STXBP4: variants seen among roughly 807,000 people sequenced by gnomAD.
The protein encoded by STXBP4 is syntaxin-binding protein 4.
In STXBP4, 55 loss-of-function variants were observed where a neutral mutation model predicts 76.1. The ratio of observed to expected loss-of-function variants is 0.72; its 90% CI spans 0.58 to 0.91. STXBP4 has a LOEUF of 0.91. Among genes scored for constraint, STXBP4 ranks in the 40% least tolerant of loss-of-function variants. The pLI is 0.00. For missense variants in STXBP4, 618 were observed against 636.9 expected (o/e 0.97, Z 0.32); for synonymous variants, 201 against 220.2 (o/e 0.91, Z 0.77).
At chr17:54,990,042 G>A (rs186882091) in intron 3 of STXBP4, among the ~76,000 whole-genome samples, 5 of 152,174 alleles carry the variant, frequency 3.3e-5, no homozygotes, top group East Asian at 1.9e-4. Flanking sequence ...CTTTTCCGTC[G>A]CCTTTAATAC....
At chr17:55,129,823 C>G (rs1362418764) in intron 16 of STXBP4, among the ~76,000 whole-genome samples, 1 of 152,174 alleles carries the variant, frequency 6.6e-6, no homozygotes, top group Admixed American at 6.5e-5. Flanking sequence ...CACACACCTT[C>G]TGTCAGTTAT....
At chr17:55,194,026 A>G in the STXBP4 span, among the ~76,000 whole-genome samples, 1 of 152,118 alleles carries the variant, frequency 6.6e-6, no homozygotes, top group Admixed American at 6.6e-5. Flanking sequence ...AAGTGATGCC[A>G]TGTGAAGCCT....
intron 1 of STXBP4, among the ~76,000 whole-genome samples, chr17:54,976,818 A>C (rs1368524267): frequency 1.3e-5 from 2 of 152,118 alleles, no homozygotes; most frequent in African/African-American, 4.8e-5. Flanking sequence ...ACCATCCCCC[A>C]CACCCCCATG....
intron 12 of STXBP4, among the ~76,000 whole-genome samples, chr17:55,051,943 A>C (rs1188349432): frequency 1.3e-5 from 2 of 152,126 alleles, no homozygotes; most frequent in African/African-American, 4.8e-5. Context: ...TGATACACCC[A>C]ATCCAAGTTT....
chr17:55,085,046 G>A (rs890743428), intron 16 of STXBP4, among the ~76,000 whole-genome samples: 17 of 152,108 alleles, frequency 1.1e-4, no homozygotes, highest in African/African-American at 4.1e-4. Flanking sequence ...TGATGAGTTC[G>A]TGTCCTTTGT....
At chr17:55,043,737 C>A in intron 11 of STXBP4, 1 of 1,203,472 alleles carries the variant, frequency 8.3e-7, no homozygotes, top group Non-Finnish European at 1.2e-6. Flanking sequence ...TCATGTTTTG[C>A]TAACGTAATT....
intron 1 of STXBP4, 136 bp from the exon 2 acceptor site, chr17:54,985,478 A>G (rs1003802891): frequency 2.6e-5 from 4 of 152,192 alleles, no homozygotes; most frequent in Non-Finnish European, 4.4e-5. Flanking sequence ...CCTTTGCTTC[A>G]TTCATTGTTC....
At chr17:55,149,289 G>A (rs2080189410) in intron 17 of STXBP4, among the ~76,000 whole-genome samples, 4 of 152,114 alleles carry the variant, frequency 2.6e-5, no homozygotes, top group Non-Finnish European at 4.4e-5. Context: ...AATATTTATC[G>A]AATGAATATT....
intron 16 of STXBP4, among the ~76,000 whole-genome samples, chr17:55,106,669 C>G (rs1028918214): frequency 6.6e-6 from 1 of 152,186 alleles, no homozygotes; most frequent in African/African-American, 2.4e-5. Flanking sequence ...GTGACAAAAC[C>G]TCTCAGCATT....
rs1020850995 is a variant in STXBP4 at position 55,163,191 on chromosome 17, G to T, written c.*3280G>T. 2 of 145,628 alleles carry T rather than the reference G, an allele frequency of 1.4e-5. No homozygotes were observed. Among genetic ancestry groups the T allele is most frequent in the Admixed American group, 1.4e-4 (2 of 14,664 alleles). The allele number at this position is 145,628 out of a possible 1,614,324, so 9.0% of individuals were successfully genotyped here. A position where few individuals can be genotyped will look rare whatever the true frequency, so the allele number is the denominator to read the frequency against. On this transcript the variant is annotated 3_prime_UTR_variant, in exon 18 of 18. Transcript: ENST00000376352. The stretch of plus-strand genomic sequence containing the variant: ...TTTATGTATGATAGGACTTTTTTTA[G>T]TCCAAATGTTCCTATAGATTTTCTG...
chr17:55,099,665 A>T (rs1227735153), intron 16 of STXBP4, among the ~76,000 whole-genome samples: 1 of 152,196 alleles, frequency 6.6e-6, no homozygotes, highest in Non-Finnish European at 1.5e-5. Context: ...GTACAAATAG[A>T]TCTCAAATAG....
chr17:54,988,827 C>G (rs1222393743), intron 3 of STXBP4, among the ~76,000 whole-genome samples: 1 of 151,996 alleles, frequency 6.6e-6, no homozygotes, highest in Non-Finnish European at 1.5e-5. Context: ...GGACCCTGTC[C>G]TCTCTGCCTT....
chr17:54,984,339 C>CT (rs60222961), intron 1 of STXBP4, among the ~76,000 whole-genome samples: 928 of 81,118 alleles, frequency 0.011, 24 homozygotes, highest in South Asian at 0.052. Context: ...TTTCTTTTTT[C>CT]TTTTTTTTTT....
At chr17:55,026,442 A>G (rs2078417277) in intron 8 of STXBP4, among the ~76,000 whole-genome samples, 1 of 152,212 alleles carries the variant, frequency 6.6e-6, no homozygotes, top group African/African-American at 2.4e-5. Flanking sequence ...CCTTTTCCCA[A>G]GAAGCAACAT....
Position 55,007,379 on chromosome 17 carries a change from A to C in STXBP4, c.575-127A>C, listed in dbSNP as rs561063009. The C allele has an allele frequency of 7.2e-5, 52 of 724,132 alleles. No individual in the cohort carries two copies. In the East Asian group the frequency reaches 1.4e-3, roughly 19 times the overall value. 44.9% of individuals were successfully genotyped at this position (724,132 alleles called of 1,614,324 possible). On this transcript the variant is annotated intron_variant, in intron 7 of 17. Transcript: ENST00000376352. ...AAAGAAAAAAAAATTATGCAAACAA[A>C]ACTAAAAGCTGCTAACTGATTAGCT...
At chr17:55,180,211 A>G in the STXBP4 span, among the ~76,000 whole-genome samples, 686 of 152,298 alleles carry the variant, frequency 4.5e-3, 10 homozygotes, top group African/African-American at 0.015. Context: ...CTGGCACATG[A>G]TAAGACCGTC....
intron 17 of STXBP4, among the ~76,000 whole-genome samples, chr17:55,147,188 G>A (rs1422776911): frequency 2.6e-5 from 4 of 152,160 alleles, no homozygotes; most frequent in African/African-American, 7.2e-5. Flanking sequence ...TTTTTGGCAC[G>A]AGGAACCCAT....
intron 16 of STXBP4, among the ~76,000 whole-genome samples, chr17:55,099,378 TATC>T (rs1407323190): frequency 3.3e-5 from 5 of 152,198 alleles, no homozygotes. Flanking sequence ...ATTGTGCAAA[TATC>T]ATATTGTATT....
chr17:55,007,608 T>C lies in STXBP4; in HGVS notation c.666+11T>C. 1 of 1,586,000 alleles carries C rather than the reference T, an allele frequency of 6.3e-7. No homozygotes were observed. On this transcript the variant is annotated intron_variant, in intron 8 of 17. Transcript: ENST00000376352. ...GAGAAACTGGAAATGGTAAAACCTTTAAATTTTCATTTTTCTTCCATAAGA... is the reference window on the plus strand; with the variant it reads ...GAGAAACTGGAAATGGTAAAACCTTCAAATTTTCATTTTTCTTCCATAAGA...
Sources: gnomAD v4.1 joint callset for allele counts (sites outside exome capture counted in the v4.1 genomes callset) on GRCh38, gnomAD v4.1.1 for gene constraint, MANE v1.5 for transcripts, NCBI Gene and HGNC (gene_info 2026-07-23, HGNC 2026-07-21) for gene names.